The following MME variants were observed in gnomAD, a reference collection of about 807,000 sequenced individuals.
The protein encoded by MME is neprilysin.
Under a neutral mutation model 113.2 loss-of-function variants are expected in MME, and 98 were observed. The observed-to-expected ratio is 0.87, with a 90% CI of 0.74 to 1.02. MME has a LOEUF of 1.02. MME is among the 50% of genes least tolerant of loss of function. MME has a pLI of 0.00. For missense variants in MME, 836 were observed against 896.0 expected, an observed-to-expected ratio of 0.93 and a Z score of 0.86; for synonymous variants, 292 against 300.6, an observed-to-expected ratio of 0.97 and a Z score of 0.30.
At chr3:155,097,868 T>A (rs1299041208) in intron 3 of MME, among the ~76,000 whole-genome samples, 1 of 152,148 alleles carries the variant, frequency 6.6e-6, no homozygotes, top group Non-Finnish European at 1.5e-5. Context: ...AACTGATGGC[T>A]CTGTTGAAAT....
At position 155,089,750 on chromosome 3, in the gene MME, G is replaced by T. The variant is rs867213355; in HGVS notation, c.196+4656G>T. On this transcript the variant is annotated intron_variant, in intron 3 of 22. Coordinates refer to ENST00000360490, the MANE Select transcript of MME (RefSeq NM_007289.4). Reference sequence around the variant, plus strand: ...CCCAGCACTTTGGGAGGCCAAGGCGGGTGGATCACTTGAGGTCGGGAGTTG... The same window carrying T: ...CCCAGCACTTTGGGAGGCCAAGGCGTGTGGATCACTTGAGGTCGGGAGTTG... The T allele has an allele frequency of 4.6e-5, 17 of 367,154 alleles. No homozygotes were observed. In the Middle Eastern group the frequency reaches 7.1e-3, roughly 154 times the overall value. The allele number at this position is 367,154 out of a possible 1,614,324, so 22.7% of individuals were successfully genotyped here.
At position 155,114,979 on chromosome 3, in the gene MME, T is replaced by G. The variant is rs79413638; in HGVS notation, c.197-15T>G. 3.7e-3 allele frequency: 6,001 copies of G among 1,613,848 alleles called. 153 individuals carry two copies. The African/African-American group carries it at 0.063, about 17-fold the overall frequency. ...AAACCCATCATTTTATCTAGTGTTT[T>G]CTCTGCTCTTGCAGCTGCTCGACTG... On this transcript the variant is annotated splice_polypyrimidine_tract_variant and intron_variant, in intron 3 of 22. Transcript: ENST00000360490.
chr3:155,114,826 T>A (rs1386182086), intron 3 of MME, among the ~76,000 whole-genome samples, 168 bp from the exon 4 acceptor site: 2 of 152,208 alleles, frequency 1.3e-5, no homozygotes, highest in African/African-American at 4.8e-5. Flanking sequence ...AAAAGAGAAC[T>A]ATACACAGAT....
intron 3 of MME, among the ~76,000 whole-genome samples, chr3:155,109,718 A>G (rs1327355720): frequency 6.6e-6 from 1 of 152,196 alleles, no homozygotes; most frequent in Non-Finnish European, 1.5e-5. Context: ...AAAGATTCTG[A>G]CTGAATTGAT....
At chr3:155,175,818 G>A (rs542715460) in intron 22 of MME, among the ~76,000 whole-genome samples, 129 of 152,064 alleles carry the variant, frequency 8.5e-4, no homozygotes, top group African/African-American at 2.9e-3. Context: ...CTGTAATTTA[G>A]CATGCTAATA....
chr3:155,143,493 C>T lies in MME; in HGVS notation c.1239C>T (p.Asn413=), dbSNP rs764505615. The part of the protein sequence containing the change: ...SETATWRRCA[N]YVNGNMENAV... The stretch of plus-strand genomic sequence containing the variant: ...CAGCAACTTGGAGACGTTGTGCAAA[C>T]TATGTCAATGGGAATATGGAAAATG... Residue 413 remains asparagine (N), a synonymous_variant, in exon 13 of 23, where the codon AAC becomes AAT. Coordinates refer to ENST00000360490, the MANE Select transcript of MME (RefSeq NM_007289.4). 2 of 1,612,764 alleles carry T rather than the reference C, an allele frequency of 1.2e-6. No homozygotes were observed. The highest frequency in any genetic ancestry group is 2.2e-5 in the East Asian group (1 of 44,840).
intron 2 of MME, among the ~76,000 whole-genome samples, chr3:155,084,732 T>C (rs978391132): frequency 1.3e-5 from 2 of 152,130 alleles, no homozygotes; most frequent in African/African-American, 4.8e-5. Flanking sequence ...ACAACAAGGA[T>C]GAAAAAAGAT....
chr3:155,167,740 T>G (rs887215498), intron 18 of MME, among the ~76,000 whole-genome samples: 6 of 152,176 alleles, frequency 3.9e-5, no homozygotes, highest in African/African-American at 1.4e-4. Context: ...AAGTGTCTAT[T>G]AACTCAAACT....
At chr3:155,089,863 G>A (rs1352494140) in intron 3 of MME, 3 of 452,778 alleles carry the variant, frequency 6.6e-6, no homozygotes, top group Non-Finnish European at 1.3e-5. Context: ...TAATCCCAGA[G>A]GGAGGAGAAT....
chr3:155,064,777 C>T (rs953673448), intron 1 of MME, among the ~76,000 whole-genome samples: 16 of 152,140 alleles, frequency 1.1e-4, no homozygotes, highest in African/African-American at 3.6e-4. Context: ...CTCACCAGTC[C>T]GGAGATTAGA....
At chr3:155,141,496 A>T (rs976539074) in intron 10 of MME, among the ~76,000 whole-genome samples, 3 of 152,178 alleles carry the variant, frequency 2.0e-5, no homozygotes, top group Admixed American at 1.3e-4. Context: ...AATTGAAAAG[A>T]TGCTGTTTTC....
intron 1 of MME, among the ~76,000 whole-genome samples, chr3:155,071,613 T>C (rs1261526827): frequency 4.6e-5 from 7 of 152,214 alleles, no homozygotes; most frequent in Non-Finnish European, 1.5e-5. Context: ...AAATATCTCA[T>C]TGTATGACAG....
intron 8 of MME, among the ~76,000 whole-genome samples, chr3:155,131,328 TC>T (rs1259423057): frequency 1.3e-5 from 2 of 152,158 alleles, no homozygotes; most frequent in Non-Finnish European, 2.9e-5. Flanking sequence ...AATATGTGCC[TC>T]AGTGATACGT....
intron 8 of MME, among the ~76,000 whole-genome samples, chr3:155,129,292 G>T (rs1461946834): frequency 6.6e-6 from 1 of 152,116 alleles, no homozygotes; most frequent in East Asian, 1.9e-4. Context: ...TACTCTAATC[G>T]TAGGTCTCCT....
chr3:155,117,102 A>G (rs1718688513), intron 7 of MME, 116 bp downstream of exon 7: 1 of 724,952 alleles, frequency 1.4e-6, no homozygotes, highest in African/African-American at 1.7e-5. Context: ...TGAATAAGCA[A>G]GGAGGTAGTA....
intron 1 of MME, among the ~76,000 whole-genome samples, chr3:155,030,155 A>G (rs1372611535): frequency 6.6e-6 from 1 of 152,200 alleles, no homozygotes; most frequent in Non-Finnish European, 1.5e-5. Context: ...TAAAGATTCA[A>G]TCAAGATAAA....
chr3:155,116,513 A>G lies in MME; in HGVS notation c.393A>G (p.Val131=). 1 of 1,613,042 alleles carries G rather than the reference A, an allele frequency of 6.2e-7. No homozygotes were observed. The highest frequency in any genetic ancestry group is 8.5e-7 in the Non-Finnish European group (1 of 1,179,242). The change falls in exon 5 of 23, where the codon GTA becomes GTG. Residue 131 remains valine, a synonymous_variant. Transcript: ENST00000360490. ...VLQEPKTEDI[V]AVQKAKALYR... is the part of the protein sequence containing the mutation. ...AAGAACCCAAAACTGAAGATATAGT[A>G]GCAGTGCAGAAAGCAAAAGCATTGT...
Position 155,138,234 on chromosome 3 carries a change from A to T in MME, c.853A>T (p.Asn285Tyr). 1 of 1,613,514 alleles carries T rather than the reference A, an allele frequency of 6.2e-7. No homozygotes were observed. The highest frequency in any genetic ancestry group is 8.5e-7 in the Non-Finnish European group (1 of 1,179,618). ...TATGGAATTGGAAAAAGAAATTGCC[A>T]ATGTAAAACACATTTTTTTTTCTGA... is the stretch of plus-strand genomic sequence containing the variant. ...KVMELEKEIA[N>Y]ATAKPEDRND... Residue 285 changes from asparagine (N) to tyrosine (Y), a missense_variant and splice_region_variant, in exon 9 of 23, where the codon AAT (asparagine) becomes TAT (tyrosine). Asn to Tyr is a moderately radical substitution (Grantham distance 143, BLOSUM62 -2). Coordinates refer to ENST00000360490, the MANE Select transcript of MME (RefSeq NM_007289.4).
upstream of MME, among the ~76,000 whole-genome samples, chr3:155,078,655 GTGTA>G (rs1181712919): frequency 1.6e-3 from 212 of 134,054 alleles, no homozygotes; most frequent in African/African-American, 5.2e-3. Context: ...GAATATGTGT[GTGTA>G]TGTGTGTGTG....
Sources: gnomAD v4.1 joint callset for allele counts (sites outside exome capture counted in the v4.1 genomes callset) on GRCh38, gnomAD v4.1.1 for gene constraint, MANE v1.5 for transcripts, NCBI Gene and HGNC (gene_info 2026-07-23, HGNC 2026-07-21) for gene names.